The following KCTD8 variants were observed in gnomAD, a reference collection of about 807,000 sequenced individuals.
The protein encoded by KCTD8 is potassium channel tetramerization domain containing 8, also known as BTB/POZ domain-containing protein KCTD8.
A neutral mutation model predicts 31.5 loss-of-function variants in KCTD8; 27 were observed. The observed-to-expected ratio is 0.86, with a 90% confidence interval of 0.63 to 1.18. KCTD8 has a LOEUF of 1.18. KCTD8 is among the 50% of genes most tolerant of loss of function. The pLI is 0.00. For synonymous variants in KCTD8, 290 were observed against 280.0 expected (o/e 1.04, Z -0.36); for missense variants, 658 against 647.7 (o/e 1.02, Z -0.17).
chr4:44,361,196 T>G (rs1282385264), intron 1 of KCTD8, among the ~76,000 whole-genome samples: 1 of 144,754 alleles, frequency 6.9e-6, no homozygotes, highest in Non-Finnish European at 1.5e-5. Flanking sequence ...GGCTATAAAA[T>G]CAGTTTTCCT....
chr4:44,220,517 AATGT>A (rs1000466634), intron 1 of KCTD8, among the ~76,000 whole-genome samples: 1 of 152,136 alleles, frequency 6.6e-6, no homozygotes, highest in Non-Finnish European at 1.5e-5. Context: ...TGATCATCTA[AATGT>A]ATGTATTACT....
At chr4:44,387,045 CA>C (rs1720241425) in intron 1 of KCTD8, among the ~76,000 whole-genome samples, 1 of 151,788 alleles carries the variant, frequency 6.6e-6, no homozygotes, top group East Asian at 1.9e-4. Flanking sequence ...GATAAAAAAT[CA>C]GTGTGCAAAA....
At chr4:44,280,884 T>G (rs1216415493) in intron 1 of KCTD8, among the ~76,000 whole-genome samples, 2 of 152,054 alleles carry the variant, frequency 1.3e-5, no homozygotes, top group African/African-American at 2.4e-5. Context: ...ACGAAGGTAA[T>G]TTTTCATTAG....
At position 44,261,346 on chromosome 4, in the gene KCTD8, T is replaced by G. The variant is rs574324779; in HGVS notation, c.962-86096A>C. On this transcript the variant is annotated intron_variant, in intron 1 of 1. Transcript: ENST00000360029. ...TCAAGTCTTAATTTCAGCAGCAAGT[T>G]TGGTTCTGAAAATCAAAATTTAGCC... Among the ~76,000 whole-genome samples, 63 of 152,096 alleles carry G rather than the reference T, an allele frequency of 4.1e-4. No individual in the cohort carries two copies. The Middle Eastern group carries it at 0.014, about 33-fold the overall frequency.
Position 44,227,555 on chromosome 4 carries a change from T to C in KCTD8, c.962-52305A>G, listed in dbSNP as rs1441731175. Among the ~76,000 whole-genome samples the C allele has an allele frequency of 2.0e-5, 3 of 152,342 alleles. No homozygotes were observed. The East Asian group carries it at 5.8e-4, about 29-fold the overall frequency. On this transcript the variant is annotated intron_variant, in intron 1 of 1. Coordinates refer to ENST00000360029, the MANE Select transcript of KCTD8 (RefSeq NM_198353.3). ...AAGTGGGATCAAGTGACAGAGTGTA[T>C]GTAGTTGCATTTGGTGAAACCCACC...
chr4:44,265,421 G>A (rs184816620), intron 1 of KCTD8, among the ~76,000 whole-genome samples: 2,517 of 152,104 alleles, frequency 0.017, 85 homozygotes, highest in East Asian at 0.093. Flanking sequence ...ACCAAAAGTA[G>A]ATAAAACCAC....
intron 1 of KCTD8, among the ~76,000 whole-genome samples, chr4:44,253,023 T>C (rs2109362219): frequency 6.6e-6 from 1 of 151,882 alleles, no homozygotes; most frequent in South Asian, 2.1e-4. Flanking sequence ...TTATTCAATT[T>C]TTTTTCCTGA....
chr4:44,318,607 T>C (rs2109404428), intron 1 of KCTD8, among the ~76,000 whole-genome samples: 1 of 152,278 alleles, frequency 6.6e-6, no homozygotes, highest in Middle Eastern at 3.4e-3. Flanking sequence ...TTGGATACCT[T>C]GGAGATAGGT....
At chr4:44,315,675 T>C (rs1484851920) in intron 1 of KCTD8, among the ~76,000 whole-genome samples, 1 of 143,352 alleles carries the variant, frequency 7.0e-6, no homozygotes, top group Non-Finnish European at 1.5e-5. Flanking sequence ...AGTTATTCTA[T>C]GCCTGAAAAA....
chr4:44,259,336 C>T (rs745539270), intron 1 of KCTD8, among the ~76,000 whole-genome samples: 3 of 151,826 alleles, frequency 2.0e-5, no homozygotes, highest in Non-Finnish European at 2.9e-5. Flanking sequence ...TATAATCAGC[C>T]GGTTTCTCTT....
intron 1 of KCTD8, among the ~76,000 whole-genome samples, chr4:44,341,982 G>T (rs1304183952): frequency 6.6e-6 from 1 of 152,176 alleles, no homozygotes; most frequent in Non-Finnish European, 1.5e-5. Flanking sequence ...GCATGGATCT[G>T]CTCTGTTGGC....
At chr4:44,293,503 G>T (rs1348266136) in intron 1 of KCTD8, 1 of 451,714 alleles carries the variant, frequency 2.2e-6, no homozygotes, top group South Asian at 1.6e-5. Flanking sequence ...GGTAGCAAAG[G>T]TGTAATTGGT....
chr4:44,244,375 G>A (rs1388961514), intron 1 of KCTD8, among the ~76,000 whole-genome samples: 1 of 152,126 alleles, frequency 6.6e-6, no homozygotes, highest in Non-Finnish European at 1.5e-5. Context: ...TTGCCATGCT[G>A]AGTACTTTGA....
intron 1 of KCTD8, among the ~76,000 whole-genome samples, chr4:44,430,891 T>C (rs753882962): frequency 6.6e-6 from 1 of 151,600 alleles, no homozygotes; most frequent in Non-Finnish European, 1.5e-5. Flanking sequence ...CACCAGTCTA[T>C]AAGCCCTGAT....
chr4:44,387,072 A>G (rs540340007), intron 1 of KCTD8, among the ~76,000 whole-genome samples: 47 of 151,852 alleles, frequency 3.1e-4, no homozygotes, highest in African/African-American at 1.1e-3. Flanking sequence ...TAGCATTCCT[A>G]TATACCAACA....
At chr4:44,299,677 G>A (rs1412555520) in intron 1 of KCTD8, among the ~76,000 whole-genome samples, 1 of 151,076 alleles carries the variant, frequency 6.6e-6, no homozygotes, top group East Asian at 2.0e-4. Context: ...GCAGTGAGCC[G>A]AGATCGCGCC....
At chr4:44,247,297 C>T (rs1018543495) in intron 1 of KCTD8, among the ~76,000 whole-genome samples, 36 of 151,926 alleles carry the variant, frequency 2.4e-4, no homozygotes, top group African/African-American at 8.2e-4. Flanking sequence ...TTTTGGTGAT[C>T]CACATTTTCC....
rs1716699049 is a variant in KCTD8 at position 44,274,563 on chromosome 4, T to C, written c.962-99313A>G. ...GTCATTCTTCTGATTTTCACACTATTTCTACTATATTGAATTATCAAATTG... is the reference window on the plus strand; with the variant it reads ...GTCATTCTTCTGATTTTCACACTATCTCTACTATATTGAATTATCAAATTG... On this transcript the variant is annotated intron_variant, in intron 1 of 1. Coordinates refer to ENST00000360029, the MANE Select transcript of KCTD8 (RefSeq NM_198353.3). 4.6e-5 allele frequency among the ~76,000 whole-genome samples: 7 copies of C among 151,984 alleles called. No individual in the cohort carries two copies. The South Asian group carries it at 1.2e-3, about 27-fold the overall frequency.
chr4:44,430,603 G>A (rs1168384319), intron 1 of KCTD8, among the ~76,000 whole-genome samples: 1 of 151,490 alleles, frequency 6.6e-6, no homozygotes, highest in African/African-American at 2.4e-5. Flanking sequence ...CAACCTTTTT[G>A]TCTCCCCTTG....
Sources: allele counts gnomAD v4.1 joint callset (sites outside exome capture counted in the v4.1 genomes callset), GRCh38; gene constraint gnomAD v4.1.1; transcripts MANE v1.5; gene names NCBI Gene and HGNC (gene_info 2026-07-23, HGNC 2026-07-21).